TPRG1: variants seen among roughly 807,000 people sequenced by gnomAD.
TPRG1 encodes the protein tumor protein p63-regulated gene 1 protein.
Under a neutral mutation model 29.3 loss-of-function variants are expected in TPRG1, and 29 were observed. The observed-to-expected ratio is 0.99, with a 90% CI of 0.74 to 1.35. The LOEUF is 1.35. TPRG1 is among the 40% of genes most tolerant of loss of function. The pLI is 0.00. For missense variants in TPRG1, 327 were observed against 335.0 expected, an observed-to-expected ratio of 0.98 and a Z score of 0.19; for synonymous variants, 130 against 116.8, an observed-to-expected ratio of 1.11 and a Z score of -0.73.
chr3:189,249,275 A>AT (rs1383295565), intron 4 of TPRG1, among the ~76,000 whole-genome samples: 3 of 151,808 alleles, frequency 2.0e-5, no homozygotes, highest in African/African-American at 7.2e-5. Flanking sequence ...GTGATATTGT[A>AT]TTTTTTGTTG....
At chr3:189,203,895 G>A (rs568147849) in intron 1 of TPRG1, among the ~76,000 whole-genome samples, 74 of 152,032 alleles carry the variant, frequency 4.9e-4, no homozygotes, top group Non-Finnish European at 8.8e-4. Flanking sequence ...CAAAAAATTA[G>A]CTGGGCATGG....
chr3:189,089,425 C>G (rs898672267), intron 4 of TPRG1, among the ~76,000 whole-genome samples: 1 of 152,172 alleles, frequency 6.6e-6, no homozygotes, highest in African/African-American at 2.4e-5. Flanking sequence ...AATATTCTCT[C>G]TTAACATTTT....
intron 1 of TPRG1, among the ~76,000 whole-genome samples, chr3:189,125,076 T>C (rs1220020978): frequency 6.6e-6 from 1 of 152,240 alleles, no homozygotes; most frequent in East Asian, 1.9e-4. Flanking sequence ...TTTTCCAATA[T>C]TGGATGATTT....
intron 3 of TPRG1, chr3:189,217,791 T>G (rs942748742): frequency 2.0e-6 from 2 of 978,034 alleles, no homozygotes; most frequent in Non-Finnish European, 2.4e-6. Flanking sequence ...TAAGAAAAAA[T>G]AATTGTCAAA....
intron 4 of TPRG1, among the ~76,000 whole-genome samples, chr3:189,271,818 T>C (rs1715180239): frequency 6.6e-6 from 1 of 152,228 alleles, no homozygotes; most frequent in East Asian, 1.9e-4. Context: ...TGGATTTGAA[T>C]CCCGATTCTC....
At chr3:189,158,501 C>T (rs73055426) in intron 5 of TPRG1, among the ~76,000 whole-genome samples, 1,538 of 152,010 alleles carry the variant, frequency 0.01, 27 homozygotes, top group African/African-American at 0.035. Flanking sequence ...CCCAGCTACC[C>T]AGGAGGCTGA....
At position 189,160,648 on chromosome 3, in the gene TPRG1, G is replaced by A. The variant is rs531525259; in HGVS notation, c.-10+9776G>A. ...GGAGACGGGGACTAGGCTTGGTGGC[G>A]GCTACAGGAATCAAAATAAAAGAAC... On this transcript the variant is annotated intron_variant, in intron 5 of 6. Transcript: ENST00000412373. Among the ~76,000 whole-genome samples the A allele has an allele frequency of 5.9e-5, 9 of 152,134 alleles. No individual in the cohort carries two copies. In the East Asian group the frequency reaches 7.7e-4, roughly 13 times the overall value.
At chr3:189,092,718 C>T (rs1246100641) in intron 4 of TPRG1, among the ~76,000 whole-genome samples, 6 of 152,044 alleles carry the variant, frequency 3.9e-5, no homozygotes, top group Non-Finnish European at 8.8e-5. Context: ...TGTCTACGGG[C>T]AATACCACTG....
intron 1 of TPRG1, among the ~76,000 whole-genome samples, chr3:189,203,180 A>G (rs1315332796): frequency 6.6e-6 from 1 of 152,200 alleles, no homozygotes; most frequent in East Asian, 1.9e-4. Context: ...TTCCTTATAA[A>G]TGGAAGCAGT....
chr3:189,027,818 T>C (rs976437214), intron 4 of TPRG1, among the ~76,000 whole-genome samples: 7 of 152,024 alleles, frequency 4.6e-5, no homozygotes, highest in African/African-American at 9.7e-5. Context: ...GATGGAAGTG[T>C]GTTGGAAGGC....
intron 4 of TPRG1, among the ~76,000 whole-genome samples, chr3:189,272,721 T>TTTC (rs1715413381): frequency 9.9e-6 from 1 of 100,684 alleles, no homozygotes; most frequent in African/African-American, 4.7e-5. Flanking sequence ...TTCTCCTTCC[T>TTTC]TCCTTCCTTC....
intron 3 of TPRG1, among the ~76,000 whole-genome samples, chr3:189,006,877 T>G (rs1411404151): frequency 6.6e-6 from 1 of 152,136 alleles, no homozygotes; most frequent in Non-Finnish European, 1.5e-5. Flanking sequence ...GAGTCATTGC[T>G]ACAGAGACCG....
chr3:189,013,017 T>C (rs1271881735), intron 3 of TPRG1, among the ~76,000 whole-genome samples: 1 of 151,914 alleles, frequency 6.6e-6, no homozygotes, highest in Non-Finnish European at 1.5e-5. Flanking sequence ...TATTTCTATC[T>C]CCTTCAGTTC....
At chr3:189,150,489 G>A (rs1202123571) in intron 4 of TPRG1, among the ~76,000 whole-genome samples, 1 of 151,960 alleles carries the variant, frequency 6.6e-6, no homozygotes, top group African/African-American at 2.4e-5. Context: ...ATCTTTGTGT[G>A]GATTTCTACT....
At chr3:189,224,184 A>G (rs1360535583) in intron 3 of TPRG1, among the ~76,000 whole-genome samples, 1 of 152,220 alleles carries the variant, frequency 6.6e-6, no homozygotes, top group Non-Finnish European at 1.5e-5. Context: ...AAATGATGGT[A>G]TAAAACATTC....
rs1475128083 is a variant in TPRG1, at chr3:189,139,083, T to G, written c.-291+6386T>G. On this transcript the variant is annotated intron_variant, in intron 3 of 6. Coordinates refer to the TPRG1 transcript ENST00000412373. ...AGTAGACAACTTACAGCCCCAACAT[T>G]TAGAAAGCACCATGTGGTTTACTGT... Among the ~76,000 whole-genome samples the G allele has an allele frequency of 1.1e-4, 16 of 152,066 alleles. No homozygotes were observed. The East Asian group carries it at 3.1e-3, about 29-fold the overall frequency.
In TPRG1 at chr3:189,238,824, T is replaced by G. The variant is rs935255265; in HGVS notation, c.394T>G (p.Cys132Gly). Residue 132 changes from cysteine (C) to glycine (G), a missense_variant, in exon 4 of 6, where the codon TGT becomes GGT. Transcript: ENST00000345063. ...ICKYDFIMLS[C>G]VQLQRIPLSA... Reference sequence around the variant, plus strand: ...CAAATACGACTTCATCATGCTGAGTTGTGTGCAGCTGCAGCGGATTCCTCT... The same window carrying G: ...CAAATACGACTTCATCATGCTGAGTGGTGTGCAGCTGCAGCGGATTCCTCT... The G allele has an allele frequency of 6.2e-7, 1 of 1,613,804 alleles. No individual in the cohort carries two copies. The highest frequency in any genetic ancestry group is 8.5e-7 in the Non-Finnish European group (1 of 1,179,746).
intron 4 of TPRG1, among the ~76,000 whole-genome samples, chr3:189,052,622 G>A (rs1018054703): frequency 6.6e-6 from 1 of 152,070 alleles, no homozygotes; most frequent in Non-Finnish European, 1.5e-5. Flanking sequence ...GTCATTATTC[G>A]AAAAAGATAC....
chr3:189,188,244 G>C (rs1731213081), intron 1 of TPRG1, among the ~76,000 whole-genome samples: 1 of 152,222 alleles, frequency 6.6e-6, no homozygotes, highest in Non-Finnish European at 1.5e-5. Flanking sequence ...TACCTTTAGG[G>C]ATGTGTGCTG....
Sources: allele counts gnomAD v4.1 joint callset (sites outside exome capture counted in the v4.1 genomes callset), GRCh38; gene constraint gnomAD v4.1.1; transcripts MANE v1.5; gene names NCBI Gene and HGNC (gene_info 2026-07-23, HGNC 2026-07-21).